The following ATP2C2 variants were observed in gnomAD, a reference collection of about 807,000 sequenced individuals.
ATP2C2 encodes ATPase secretory pathway Ca2+ transporting 2.
In ATP2C2, 171 loss-of-function variants were observed where a neutral mutation model predicts 110.8. The ratio of observed to expected loss-of-function variants is 1.54; its 90% CI spans 1.36 to 1.75. The LOEUF (loss-of-function observed/expected upper bound fraction) is 1.75, where lower values mean the gene tolerates loss of function less well. Ranked by LOEUF, ATP2C2 falls within the 40% of genes most tolerant of loss-of-function variation. ATP2C2 has a pLI of 0.00. For synonymous variants in ATP2C2, 804 were observed against 508.4 expected (o/e 1.58, Z -7.82); for missense variants, 1,963 against 1,235.0 (o/e 1.59, Z -8.84).
chr16:84,394,289 G>A (rs577183108), intron 1 of ATP2C2, among the ~76,000 whole-genome samples: 1 of 152,016 alleles, frequency 6.6e-6, no homozygotes. Flanking sequence ...TCACAATGTC[G>A]TGTGACCACC....
At chr16:84,459,241 G>A (rs1299947227) in intron 22 of ATP2C2, 29 bp from the exon 23 acceptor site, 20 of 1,614,060 alleles carry the variant, frequency 1.2e-5, no homozygotes, top group Non-Finnish European at 1.4e-5. Flanking sequence ...CTGGCGGGCG[G>A]CCGCTGACTG....
intron 1 of ATP2C2, among the ~76,000 whole-genome samples, chr16:84,385,332 G>T (rs773758950): frequency 2.3e-4 from 35 of 152,276 alleles, no homozygotes; most frequent in Non-Finnish European, 4.1e-4. Flanking sequence ...AGGGGATAGT[G>T]CTCAACTATT....
In ATP2C2 at chr16:84,459,283, C is replaced by G. The variant is rs201953141; in HGVS notation, c.2230C>G (p.Leu744Val). 3 of 1,614,106 alleles carry G rather than the reference C, an allele frequency of 1.9e-6. No individual in the cohort carries two copies. Among genetic ancestry groups the G allele is most frequent in the Non-Finnish European group, 2.5e-6 (3 of 1,180,046 alleles). Residue 744 changes from leucine (L) to valine (V), a missense_variant, in exon 23 of 27, where the codon CTG becomes GTG. Leu to Val is a conservative substitution (Grantham distance 32). Coordinates refer to ENST00000262429, the MANE Select transcript of ATP2C2 (RefSeq NM_014861.4). ...TGTGCCCCGCAGGAGCATCTCCGCC[C>G]TGAGTCTCATCACTCTGTCCACCGT... is the stretch of plus-strand genomic sequence containing the variant. Reference protein sequence around the residue: ...RFQLSTSISALSLITLSTVFN... With the variant: ...RFQLSTSISAVSLITLSTVFN...
intron 11 of ATP2C2, among the ~76,000 whole-genome samples, chr16:84,436,669 C>T (rs1908763433): frequency 6.6e-6 from 1 of 152,142 alleles, no homozygotes; most frequent in South Asian, 2.1e-4. Context: ...CCTCCTCAGC[C>T]TGGCCTCGGG....
chr16:84,420,797 T>G (rs1016449583), intron 7 of ATP2C2, among the ~76,000 whole-genome samples: 1 of 152,244 alleles, frequency 6.6e-6, no homozygotes, highest in South Asian at 2.1e-4. Flanking sequence ...GACCTTGACC[T>G]TGACAGTTTC....
chr16:84,386,126 C>A (rs900582791), intron 1 of ATP2C2, among the ~76,000 whole-genome samples: 1 of 152,116 alleles, frequency 6.6e-6, no homozygotes, highest in Non-Finnish European at 1.5e-5. Context: ...TACCTTGGCC[C>A]TGGAAAAAGC....
chr16:84,459,002 G>A, intron 21 of ATP2C2, 118 bp from the exon 22 acceptor site: 1 of 1,122,614 alleles, frequency 8.9e-7, no homozygotes, highest in Non-Finnish European at 1.3e-6. Flanking sequence ...GGAACCAGCA[G>A]GGGCCCAAGT....
At chr16:84,447,716 A>T (rs1250922584) in intron 16 of ATP2C2, among the ~76,000 whole-genome samples, 1 of 115,700 alleles carries the variant, frequency 8.6e-6, no homozygotes, top group Non-Finnish European at 2.0e-5. Context: ...TATATATTAT[A>T]ATTGTATAAG....
intron 23 of ATP2C2, chr16:84,459,729 C>G (rs928837216): frequency 4.2e-6 from 3 of 712,614 alleles, no homozygotes; most frequent in South Asian, 3.6e-5. Flanking sequence ...ACTCAATCCC[C>G]TCACCCTGCT....
At chr16:84,417,555 T>C (rs1207374125) in intron 7 of ATP2C2, among the ~76,000 whole-genome samples, 1 of 152,202 alleles carries the variant, frequency 6.6e-6, no homozygotes, top group Non-Finnish European at 1.5e-5. Flanking sequence ...CCAGGTAACT[T>C]CCTTACTGCT....
intron 3 of ATP2C2, among the ~76,000 whole-genome samples, chr16:84,407,737 G>T (rs1453598558): frequency 6.6e-6 from 1 of 152,128 alleles, no homozygotes; most frequent in South Asian, 2.1e-4. Flanking sequence ...CTCCCAAAGG[G>T]CTGGGATTAC....
At chr16:84,455,404 T>G (rs1373057436) in intron 21 of ATP2C2, among the ~76,000 whole-genome samples, 1 of 152,164 alleles carries the variant, frequency 6.6e-6, no homozygotes, top group African/African-American at 2.4e-5. Context: ...ATCTTCCGTT[T>G]GAGGCCTGCG....
chr16:84,459,689 C>G, intron 23 of ATP2C2: 2 of 1,135,852 alleles, frequency 1.8e-6, no homozygotes, highest in South Asian at 2.9e-5. Flanking sequence ...CAGTCACTGC[C>G]TTCAGGAAGT....
chr16:84,452,653 C>A (rs543018477), intron 18 of ATP2C2, among the ~76,000 whole-genome samples: 3 of 152,034 alleles, frequency 2.0e-5, no homozygotes, highest in African/African-American at 4.8e-5. Context: ...CACCCACCAC[C>A]GCGCCCAGCT....
Position 84,405,141 on chromosome 16 carries a change from C to T in ATP2C2, c.224C>T (p.Thr75Ile). 1.9e-6 allele frequency: 3 copies of T among 1,613,956 alleles called. No individual in the cohort carries two copies. Among genetic ancestry groups the T allele is most frequent in the Non-Finnish European group, 2.5e-6 (3 of 1,179,998 alleles). ...LARAFCVDLH[T>I]GLSEFSVTQR... Reference sequence around the variant, plus strand: ...CTCTCCTTCCAGGTGGACTTACACACTGGGCTGTCGGAGTTCTCGGTGACG... The same window carrying T: ...CTCTCCTTCCAGGTGGACTTACACATTGGGCTGTCGGAGTTCTCGGTGACG... Residue 75 changes from threonine (T) to isoleucine (I), a missense_variant, in exon 3 of 27, where the codon ACT becomes ATT. Physicochemically the swap from Thr to Ile is moderately conservative, Grantham distance 89 (BLOSUM62 -1). Coordinates refer to ENST00000262429, the MANE Select transcript of ATP2C2 (RefSeq NM_014861.4).
chr16:84,413,472 A>C (rs1906570993), intron 6 of ATP2C2, among the ~76,000 whole-genome samples: 1 of 152,190 alleles, frequency 6.6e-6, no homozygotes, highest in Non-Finnish European at 1.5e-5. Context: ...GAGCAGTAGA[A>C]ATGTCTGGGC....
chr16:84,441,039 A>C, intron 14 of ATP2C2, 81 bp downstream of exon 14: 1 of 1,200,718 alleles, frequency 8.3e-7, no homozygotes. Context: ...GGAAACAGCC[A>C]TTGAACCTAC....
intron 7 of ATP2C2, among the ~76,000 whole-genome samples, chr16:84,417,777 T>C (rs1906969977): frequency 6.6e-6 from 1 of 152,232 alleles, no homozygotes; most frequent in Non-Finnish European, 1.5e-5. Flanking sequence ...ATTTTAAGGC[T>C]ACTGGCTGTG....
At chr16:84,454,557 C>T (rs1028330744) in intron 20 of ATP2C2, among the ~76,000 whole-genome samples, 1 of 152,170 alleles carries the variant, frequency 6.6e-6, no homozygotes, top group Non-Finnish European at 1.5e-5. Flanking sequence ...TGCTGGGCAC[C>T]GTCACATCCG....
Sources: gnomAD v4.1 joint callset for allele counts (sites outside exome capture counted in the v4.1 genomes callset) on GRCh38, gnomAD v4.1.1 for gene constraint, MANE v1.5 for transcripts, NCBI Gene and HGNC (gene_info 2026-07-23, HGNC 2026-07-21) for gene names.